Variants in SAMMSON observed in about 807,000 individuals in gnomAD.
SAMMSON encodes long intergenic non-protein coding RNA 1212.
intron 4 of SAMMSON, among the ~76,000 whole-genome samples, chr3:70,244,099 C>T (rs541166998): frequency 9.2e-5 from 14 of 152,312 alleles, no homozygotes; most frequent in East Asian, 3.9e-4. Flanking sequence ...CCCTGCTCTT[C>T]GGTTTCCCCC....
intron 4 of SAMMSON, among the ~76,000 whole-genome samples, chr3:70,240,603 A>C (rs1189937668): frequency 6.6e-6 from 1 of 152,158 alleles, no homozygotes; most frequent in African/African-American, 2.4e-5. Flanking sequence ...AGCTCTAAGA[A>C]AGTGTGAATT....
intron 2 of SAMMSON, among the ~76,000 whole-genome samples, chr3:70,430,445 A>C (rs1391693019): frequency 1.3e-5 from 2 of 152,146 alleles, no homozygotes; most frequent in Non-Finnish European, 2.9e-5. Context: ...TTATGAGAGC[A>C]TGTGACTTGA....
At chr3:70,229,740 T>C (rs759657136) in intron 4 of SAMMSON, among the ~76,000 whole-genome samples, 3 of 152,166 alleles carry the variant, frequency 2.0e-5, no homozygotes, top group Non-Finnish European at 4.4e-5. Flanking sequence ...AGTCACCACA[T>C]GGTGGAAAGC....
At chr3:70,127,364 C>T (rs765498046) in intron 4 of SAMMSON, 6 of 152,120 alleles carry the variant, frequency 3.9e-5, no homozygotes, top group Non-Finnish European at 2.9e-5. Context: ...GGGTGTTTAT[C>T]AGGGTCAGGA....
At chr3:70,395,175 C>T (rs1701081327) in intron 2 of SAMMSON, among the ~76,000 whole-genome samples, 1 of 152,126 alleles carries the variant, frequency 6.6e-6, no homozygotes, top group Non-Finnish European at 1.5e-5. Flanking sequence ...GCCCTGGTCC[C>T]TGTTGCTTTT....
intron 7 of SAMMSON, among the ~76,000 whole-genome samples, chr3:70,310,110 A>G (rs1702441375): frequency 6.6e-6 from 1 of 152,132 alleles, no homozygotes; most frequent in South Asian, 2.1e-4. Context: ...TGCATGTTCT[A>G]CTTTTTTTCC....
chr3:70,341,398 T>C (rs180721981), intron 7 of SAMMSON, among the ~76,000 whole-genome samples: 98 of 152,254 alleles, frequency 6.4e-4, no homozygotes, highest in African/African-American at 2.3e-3. Context: ...CCCTGATTTT[T>C]TCATGGTGAA....
At chr3:70,289,879 C>T (rs201551328) in intron 6 of SAMMSON, among the ~76,000 whole-genome samples, 6,594 of 151,876 alleles carry the variant, frequency 0.043, 219 homozygotes, top group South Asian at 0.078. Context: ...GCATTCTTCA[C>T]GTAGTTCTCG....
At chr3:70,002,788 G>A (rs991068914) in intron 1 of SAMMSON, among the ~76,000 whole-genome samples, 4 of 152,028 alleles carry the variant, frequency 2.6e-5, no homozygotes, top group African/African-American at 9.7e-5. Context: ...GTTATCAATT[G>A]TGGTTACATT....
chr3:70,329,070 C>T (rs973339403), intron 7 of SAMMSON, among the ~76,000 whole-genome samples: 4 of 151,978 alleles, frequency 2.6e-5, no homozygotes, highest in Non-Finnish European at 5.9e-5. Flanking sequence ...CAATACAGTA[C>T]CAAATTTTAG....
At chr3:70,321,815 A>G (rs1355679797) in intron 7 of SAMMSON, among the ~76,000 whole-genome samples, 1 of 151,982 alleles carries the variant, frequency 6.6e-6, no homozygotes, top group African/African-American at 2.4e-5. Context: ...TCTAAAGGGG[A>G]AAAAAATGAC....
chr3:70,420,656 C>G (rs2320798), intron 2 of SAMMSON, among the ~76,000 whole-genome samples: 37,483 of 152,068 alleles, frequency 0.25, 5,208 homozygotes, highest in Non-Finnish European at 0.33. Flanking sequence ...GATTATTATT[C>G]CTGCTTGCAT....
At chr3:70,356,400 T>C (rs1702829521) in intron 8 of SAMMSON, among the ~76,000 whole-genome samples, 1 of 152,138 alleles carries the variant, frequency 6.6e-6, no homozygotes, top group Non-Finnish European at 1.5e-5. Flanking sequence ...CCAACTTTAA[T>C]CAACTTAGGT....
chr3:70,174,662 T>C (rs900295372), intron 4 of SAMMSON, among the ~76,000 whole-genome samples: 2 of 152,220 alleles, frequency 1.3e-5, no homozygotes, highest in South Asian at 4.2e-4. Context: ...AATTTAGTTT[T>C]ATTGTATTCA....
At chr3:70,356,785 T>A (rs1173942797) in intron 8 of SAMMSON, among the ~76,000 whole-genome samples, 2 of 152,174 alleles carry the variant, frequency 1.3e-5, no homozygotes, top group Non-Finnish European at 2.9e-5. Context: ...TCTCTCTTTC[T>A]AATTTGCTGT....
At chr3:70,422,116 T>C (rs1408250643) in intron 2 of SAMMSON, among the ~76,000 whole-genome samples, 1 of 139,890 alleles carries the variant, frequency 7.1e-6, no homozygotes, top group Non-Finnish European at 1.7e-5. Context: ...CAACTAAGAA[T>C]GGTAAAAAAA....
chr3:70,348,909 ACAAT>A (rs1702772000), intron 7 of SAMMSON, among the ~76,000 whole-genome samples: 1 of 152,058 alleles, frequency 6.6e-6, no homozygotes, highest in African/African-American at 2.4e-5. Context: ...ATGAAGAGAG[ACAAT>A]CAATCTCTCT....
intron 2 of SAMMSON, among the ~76,000 whole-genome samples, chr3:70,401,257 G>C (rs1701138343): frequency 6.7e-6 from 1 of 149,048 alleles, no homozygotes; most frequent in Non-Finnish European, 1.5e-5. Flanking sequence ...ACATAATAAA[G>C]ATAGAAGAGT....
chr3:70,287,418 A>G (rs1347285958), intron 6 of SAMMSON, among the ~76,000 whole-genome samples: 1 of 151,616 alleles, frequency 6.6e-6, no homozygotes, highest in Admixed American at 6.6e-5. Flanking sequence ...CCACTTGATC[A>G]TGGTGGATAA....
Sources: allele counts gnomAD v4.1 joint callset (sites outside exome capture counted in the v4.1 genomes callset), GRCh38; gene constraint gnomAD v4.1.1; transcripts MANE v1.5; gene names NCBI Gene and HGNC (gene_info 2026-07-23, HGNC 2026-07-21).